Variants in KCNB2 observed in about 807,000 individuals in gnomAD.
The protein encoded by KCNB2 is delayed rectifier potassium channel protein.
In KCNB2, 15 loss-of-function variants were observed where a neutral mutation model predicts 61.5. That is an observed-to-expected ratio of 0.24 (90% CI 0.16 to 0.38). The LOEUF (loss-of-function observed/expected upper bound fraction) is 0.38. Among genes scored for constraint, KCNB2 ranks in the 10% least tolerant of loss-of-function variants. The pLI, the probability that KCNB2 is intolerant of heterozygous loss-of-function variation, is 1.00. For missense variants in KCNB2, 828 were observed against 1,125.2 expected (o/e 0.74, Z 3.78); for synonymous variants, 457 against 446.0 (o/e 1.02, Z -0.31).
At chr8:72,674,759 G>A (rs1563555912) in intron 2 of KCNB2, among the ~76,000 whole-genome samples, 1 of 152,190 alleles carries the variant, frequency 6.6e-6, no homozygotes, top group Non-Finnish European at 1.5e-5. Flanking sequence ...AGGGTAGATA[G>A]AAAACTGCAG....
At position 72,538,592 on chromosome 8, in the gene KCNB2, G is replaced by A. The variant is rs548362565; in HGVS notation, c.-94+707G>A. Among the ~76,000 whole-genome samples, 103 of 152,122 alleles carry A rather than the reference G, an allele frequency of 6.8e-4. 1 individual carries two copies. The highest frequency in any genetic ancestry group is 2.2e-3 in the African/African-American group (91 of 41,486). The stretch of plus-strand genomic sequence containing the variant: ...AACATGCCATTTATGCAACATTTAT[G>A]ACTGCACATGTGTTTCAACAATAAG... On this transcript the variant is annotated intron_variant, in intron 1 of 2. Transcript: ENST00000523207.
intron 2 of KCNB2, among the ~76,000 whole-genome samples, chr8:72,701,425 A>G (rs1446100353): frequency 1.3e-5 from 2 of 152,152 alleles, no homozygotes; most frequent in Non-Finnish European, 2.9e-5. Context: ...TGACAAAGTT[A>G]TCTATTCATA....
chr8:72,789,663 G>T (rs1808905637), intron 2 of KCNB2, among the ~76,000 whole-genome samples: 1 of 152,246 alleles, frequency 6.6e-6, no homozygotes, highest in African/African-American at 2.4e-5. Context: ...GACATCAGGG[G>T]ACCCTGGAGT....
intron 2 of KCNB2, among the ~76,000 whole-genome samples, chr8:72,682,498 T>G (rs1806775970): frequency 6.6e-6 from 1 of 151,930 alleles, no homozygotes; most frequent in Non-Finnish European, 1.5e-5. Flanking sequence ...AAATCCCATA[T>G]TTGATTGGGG....
chr8:72,846,764 G>A lies in KCNB2; in HGVS notation c.580-89171G>A, dbSNP rs534199547. Among the ~76,000 whole-genome samples, 6 of 152,096 alleles carry A rather than the reference G, an allele frequency of 3.9e-5. No homozygotes were observed. In the South Asian group the frequency reaches 1.2e-3, roughly 32 times the overall value. ...ATTAAAAAGTCAAGAAACAACAGGT[G>A]CTGGAGAGGATGTGGAGAAATAGGA... On this transcript the variant is annotated intron_variant, in intron 2 of 2. Coordinates refer to ENST00000523207, the MANE Select transcript of KCNB2 (RefSeq NM_004770.3).
At chr8:72,699,154 A>G (rs534130521) in intron 2 of KCNB2, among the ~76,000 whole-genome samples, 20 of 152,290 alleles carry the variant, frequency 1.3e-4, no homozygotes, top group African/African-American at 4.3e-4. Context: ...AAAGAATTCA[A>G]TAAGCAAAAA....
At chr8:72,577,707 G>A (rs904831018) in intron 2 of KCNB2, among the ~76,000 whole-genome samples, 3 of 152,104 alleles carry the variant, frequency 2.0e-5, no homozygotes, top group Non-Finnish European at 2.9e-5. Flanking sequence ...ACTTTAAATA[G>A]CTACTTCAAG....
intron 2 of KCNB2, among the ~76,000 whole-genome samples, chr8:72,724,075 C>A (rs2128992968): frequency 6.6e-6 from 1 of 152,272 alleles, no homozygotes; most frequent in African/African-American, 2.4e-5. Flanking sequence ...AGAGTACCTT[C>A]CTCATATGAG....
At chr8:72,904,613 G>A (rs547042884) in intron 2 of KCNB2, among the ~76,000 whole-genome samples, 10 of 152,148 alleles carry the variant, frequency 6.6e-5, no homozygotes, top group Admixed American at 1.3e-4. Context: ...AATTAGCTTA[G>A]GTGGTTGCCT....
At chr8:72,935,789 A>T (rs929461521) in intron 2 of KCNB2, 146 bp from the exon 3 acceptor site, 11 of 686,160 alleles carry the variant, frequency 1.6e-5, no homozygotes, top group Admixed American at 9.4e-5. Flanking sequence ...TAGTTAGGGA[A>T]TTTTAAGTTG....
At chr8:72,559,070 A>G (rs1806470930) in intron 1 of KCNB2, among the ~76,000 whole-genome samples, 1 of 152,124 alleles carries the variant, frequency 6.6e-6, no homozygotes, top group African/African-American at 2.4e-5. Flanking sequence ...AGTAAGTGAA[A>G]TATAGACCTT....
chr8:72,542,110 G>T (rs1806197515), intron 1 of KCNB2, among the ~76,000 whole-genome samples: 2 of 151,992 alleles, frequency 1.3e-5, no homozygotes, highest in Non-Finnish European at 2.9e-5. Context: ...CATAAATTGA[G>T]ATTTTCATCA....
At chr8:72,630,278 A>T (rs1397881726) in intron 2 of KCNB2, among the ~76,000 whole-genome samples, 2 of 151,738 alleles carry the variant, frequency 1.3e-5, no homozygotes, top group African/African-American at 4.8e-5. Flanking sequence ...CTTCAAGCAA[A>T]TTTTTTTTTC....
At chr8:72,696,920 T>A (rs1807027309) in intron 2 of KCNB2, among the ~76,000 whole-genome samples, 1 of 152,194 alleles carries the variant, frequency 6.6e-6, no homozygotes, top group Non-Finnish European at 1.5e-5. Flanking sequence ...TTTTTCAAGA[T>A]CACTTCTGCA....
chr8:72,543,987 T>A (rs780938011), intron 1 of KCNB2, among the ~76,000 whole-genome samples: 1 of 152,184 alleles, frequency 6.6e-6, no homozygotes. Context: ...AATCAAACTA[T>A]GTAGTTTGCT....
chr8:72,617,836 A>C (rs1805645588), intron 2 of KCNB2, among the ~76,000 whole-genome samples: 1 of 152,184 alleles, frequency 6.6e-6, no homozygotes, highest in Admixed American at 6.5e-5. Flanking sequence ...CAACTAATTA[A>C]AAATAGAGGA....
chr8:72,606,176 T>G (rs2128982922), intron 2 of KCNB2, among the ~76,000 whole-genome samples: 1 of 152,272 alleles, frequency 6.6e-6, no homozygotes, highest in South Asian at 2.1e-4. Context: ...CTTCTGGGAA[T>G]TAGTCCTAAG....
intron 2 of KCNB2, among the ~76,000 whole-genome samples, chr8:72,853,311 G>C (rs1810152932): frequency 6.6e-6 from 1 of 152,194 alleles, no homozygotes; most frequent in Non-Finnish European, 1.5e-5. Flanking sequence ...GCACACAAAG[G>C]CTAGTTCCCT....
chr8:72,709,037 G>T (rs745365405), intron 2 of KCNB2, among the ~76,000 whole-genome samples: 3 of 152,072 alleles, frequency 2.0e-5, no homozygotes, highest in Admixed American at 6.5e-5. Flanking sequence ...AAAATGGCAG[G>T]CACTGAAAAA....
Sources: gnomAD v4.1 joint callset for allele counts (sites outside exome capture counted in the v4.1 genomes callset) on GRCh38, gnomAD v4.1.1 for gene constraint, MANE v1.5 for transcripts, NCBI Gene and HGNC (gene_info 2026-07-23, HGNC 2026-07-21) for gene names.